ATXN1: variants seen among roughly 807,000 people sequenced by gnomAD.
The protein encoded by ATXN1 is ataxin 1.
Under a neutral mutation model 56.4 loss-of-function variants are expected in ATXN1, and 8 were observed. The observed-to-expected ratio is 0.14, with a 90% CI of 0.08 to 0.26. The LOEUF is 0.26. ATXN1 is among the 10% of genes least tolerant of loss of function. ATXN1 has a pLI of 1.00. For missense variants in ATXN1, 987 were observed against 1,106.5 expected, an observed-to-expected ratio of 0.89 and a Z score of 1.53; for synonymous variants, 514 against 494.6, an observed-to-expected ratio of 1.04 and a Z score of -0.52.
At chr6:16,338,601 G>A (rs1025026963) in intron 6 of ATXN1, among the ~76,000 whole-genome samples, 3 of 152,132 alleles carry the variant, frequency 2.0e-5, no homozygotes, top group African/African-American at 7.2e-5. Context: ...TTTAAAATGG[G>A]GAAGAATTAA....
intron 5 of ATXN1, 39 bp downstream of exon 5, chr6:16,522,588 G>A (rs912479772): frequency 6.6e-6 from 1 of 152,134 alleles, no homozygotes; most frequent in African/African-American, 2.4e-5. Flanking sequence ...ATATTTTGAT[G>A]TGGGTAAAAA....
At chr6:16,437,948 A>G (rs1473343177) in intron 6 of ATXN1, among the ~76,000 whole-genome samples, 1 of 152,198 alleles carries the variant, frequency 6.6e-6, no homozygotes, top group African/African-American at 2.4e-5. Flanking sequence ...GCATCATGCA[A>G]TAGAAAGATG....
chr6:16,332,209 T>C (rs1294394390), intron 6 of ATXN1, among the ~76,000 whole-genome samples: 2 of 152,142 alleles, frequency 1.3e-5, no homozygotes, highest in Admixed American at 1.3e-4. Flanking sequence ...GTCCCTTCTC[T>C]GGGCCCCGTA....
At chr6:16,618,050 A>G (rs1173553420) in intron 3 of ATXN1, among the ~76,000 whole-genome samples, 3 of 152,004 alleles carry the variant, frequency 2.0e-5, no homozygotes, top group African/African-American at 2.4e-5. Flanking sequence ...TAGGTATAAA[A>G]GCAAAAAAAA....
intron 3 of ATXN1, among the ~76,000 whole-genome samples, chr6:16,597,116 G>A (rs1170551590): frequency 2.0e-5 from 3 of 152,204 alleles, no homozygotes; most frequent in African/African-American, 4.8e-5. Flanking sequence ...TGGCTCTGCC[G>A]CAGCCTCCCA....
Position 16,327,517 on chromosome 6 carries a change from G to T in ATXN1, c.794C>A (p.Ala265Asp). The change falls in exon 7 of 8, where the codon GCC becomes GAC. Residue 265 changes from alanine to aspartate, a missense_variant. Around this residue, in one of 3 missense-constraint regions of ATXN1, gnomAD observed 723 missense variants for 791.7 expected, o/e 0.91. Coordinates refer to ENST00000436367, the MANE Select transcript of ATXN1 (RefSeq NM_001128164.2). ...QNTGRTASPP[A>D]IPVHLHPHQT... is the part of the protein sequence containing the mutation. ...GTGGGGGTGGAGGTGGACGGGGATG[G>T]CCGGAGGAGAGGCGGTGCGGCCGGT... 4 of 1,612,344 alleles carry T rather than the reference G, an allele frequency of 2.5e-6. No homozygotes were observed. The highest frequency in any genetic ancestry group is 3.4e-6 in the Non-Finnish European group (4 of 1,179,600).
At chr6:16,415,509 C>T (rs959652117) in intron 6 of ATXN1, among the ~76,000 whole-genome samples, 2 of 152,222 alleles carry the variant, frequency 1.3e-5, no homozygotes, top group Admixed American at 1.3e-4. Context: ...GGATTACAGG[C>T]GTGAGCCACC....
intron 6 of ATXN1, among the ~76,000 whole-genome samples, chr6:16,335,856 C>A (rs1163886672): frequency 6.6e-6 from 1 of 152,176 alleles, no homozygotes; most frequent in African/African-American, 2.4e-5. Context: ...CCAAGGATCA[C>A]CCGAAGCTAC....
intron 7 of ATXN1, among the ~76,000 whole-genome samples, chr6:16,319,813 G>A (rs1251882987): frequency 2.0e-5 from 3 of 151,282 alleles, no homozygotes; most frequent in Non-Finnish European, 4.4e-5. Context: ...ACCCAGTTGG[G>A]GGCACATATA....
chr6:16,551,842 G>A (rs946097297), intron 4 of ATXN1, among the ~76,000 whole-genome samples: 3 of 152,142 alleles, frequency 2.0e-5, no homozygotes, highest in African/African-American at 7.2e-5. Flanking sequence ...CAGAAGTTAC[G>A]GGTCTGAAAA....
At chr6:16,584,296 A>T (rs1762583995) in intron 4 of ATXN1, among the ~76,000 whole-genome samples, 1 of 149,756 alleles carries the variant, frequency 6.7e-6, no homozygotes, top group African/African-American at 2.4e-5. Flanking sequence ...ATATATACAC[A>T]CACACATACA....
At chr6:16,701,025 ATCTGAACAGAAGCGAGGTTTG>A (rs767588023) in intron 2 of ATXN1, among the ~76,000 whole-genome samples, 11 of 151,914 alleles carry the variant, frequency 7.2e-5, no homozygotes, top group Non-Finnish European at 1.3e-4. Context: ...GTATGGTAAT[ATCTGAACAGAAGCGAGGTTTG>A]GGAGGGGATG....
chr6:16,438,868 C>T (rs896809557), intron 6 of ATXN1, among the ~76,000 whole-genome samples: 1 of 152,034 alleles, frequency 6.6e-6, no homozygotes, highest in Admixed American at 6.5e-5. Flanking sequence ...GGGAGGTACT[C>T]GATCAATGCC....
At chr6:16,432,092 T>C (rs1242532318) in intron 6 of ATXN1, among the ~76,000 whole-genome samples, 2 of 152,228 alleles carry the variant, frequency 1.3e-5, no homozygotes, top group Non-Finnish European at 2.9e-5. Flanking sequence ...CAACCTACTT[T>C]GGCAACATTA....
chr6:16,601,936 G>A (rs188760917), intron 3 of ATXN1, among the ~76,000 whole-genome samples: 8 of 152,222 alleles, frequency 5.3e-5, no homozygotes, highest in Admixed American at 2.0e-4. Flanking sequence ...TTGTGCAAGC[G>A]TAATCTATTT....
intron 6 of ATXN1, among the ~76,000 whole-genome samples, chr6:16,349,175 C>T (rs1761513814): frequency 6.6e-6 from 1 of 152,192 alleles, no homozygotes; most frequent in South Asian, 2.1e-4. Flanking sequence ...TTCTCTACCT[C>T]CTTCACTGTG....
At chr6:16,685,605 C>T (rs1319577974) in intron 2 of ATXN1, among the ~76,000 whole-genome samples, 1 of 152,266 alleles carries the variant, frequency 6.6e-6, no homozygotes, top group Admixed American at 6.5e-5. Context: ...TATTATTTTA[C>T]TGGCAAGGCC....
chr6:16,326,841 C>G lies in ATXN1; in HGVS notation c.1470G>C (p.Leu490=), dbSNP rs756616449. ...TGTCAGTGCTGCCGACCGGGATGAG[C>G]AGGGGCTGTGTGCCGGGGATCACCA... ...QHLVIPGTQP[L]LIPVGSTDME... is the part of the protein sequence containing the mutation. Residue 490 remains leucine, a synonymous_variant, in exon 7 of 8, where the codon CTG becomes CTC. Coordinates refer to ENST00000436367, the MANE Select transcript of ATXN1 (RefSeq NM_001128164.2). This position sits in a 1 kb window ranked among gnomAD's most constrained non-coding sequence, Gnocchi z 6.6. 5.0e-6 allele frequency: 8 copies of G among 1,608,410 alleles called. No individual in the cohort carries two copies. In the South Asian group the frequency reaches 8.8e-5, roughly 18 times the overall value.
chr6:16,327,633 G>GTGCTGC lies in ATXN1; in HGVS notation c.672_677dup (p.Gln224_Gln225dup), dbSNP rs751421308. Reference sequence around the variant, plus strand: ...TGATGAGCCCCGGAGCCCTGCTGAGGTGCTGCTGCTGCTGCTGCTGCTGCT... The same window carrying GTGCTGC: ...TGATGAGCCCCGGAGCCCTGCTGAGGTGCTGCTGCTGCTGCTGCTGCTGCTGCTGCT... On this transcript the variant is annotated inframe_insertion, in exon 7 of 8. Transcript: ENST00000436367. 42,907 of 1,449,854 alleles carry GTGCTGC rather than the reference G, an allele frequency of 0.03. 678 individuals are homozygous for GTGCTGC. The highest frequency in any genetic ancestry group is 0.069 in the South Asian group (5,769 of 83,284). The allele number at this position is 1,449,854 out of a possible 1,614,324, so 89.8% of individuals were successfully genotyped here. A position where few individuals can be genotyped will look rare whatever the true frequency, so the allele number is the denominator to read the frequency against.
Sources: gnomAD v4.1 joint callset for allele counts (sites outside exome capture counted in the v4.1 genomes callset) on GRCh38, gnomAD v4.1.1 for gene constraint, gnomAD v4.1.1 regional missense constraint, Gnocchi (gnomAD v3.1) non-coding constraint, MANE v1.5 for transcripts, NCBI Gene and HGNC (gene_info 2026-07-23, HGNC 2026-07-21) for gene names.